ATP12A: variants seen among roughly 807,000 people sequenced by gnomAD.
ATP12A encodes the protein ATPase H+/K+ transporting non-gastric alpha2 subunit.
Under a neutral mutation model 111.2 loss-of-function variants are expected in ATP12A, and 81 were observed. That is an observed-to-expected ratio of 0.73 (90% CI 0.61 to 0.88). The LOEUF is 0.88. ATP12A is among the 40% of genes least tolerant of loss of function. ATP12A has a pLI of 0.00. For synonymous variants in ATP12A, 498 were observed against 499.8 expected, an observed-to-expected ratio of 1.00 and a Z score of 0.05; for missense variants, 1,196 against 1,313.1, an observed-to-expected ratio of 0.91 and a Z score of 1.38.
intron 2 of ATP12A, among the ~76,000 whole-genome samples, chr13:24,684,711 C>G (rs1411414113): frequency 6.6e-6 from 1 of 152,256 alleles, no homozygotes; most frequent in Non-Finnish European, 1.5e-5. Context: ...AGAAACCCTG[C>G]TGTAGTCTAA....
At position 24,690,371 on chromosome 13, in the gene ATP12A, ACCAT is replaced by A. The variant is rs760027165; in HGVS notation, c.583_586del (p.Ile195LeufsTer133). 1.9e-6 allele frequency: 3 copies of A among 1,613,022 alleles called. No individual in the cohort carries two copies. In the African/African-American group the frequency reaches 4.0e-5, roughly 22 times the overall value. ...CGTCATCCGAGATTCCGAGAAGAAG[ACCAT>A]CCCTTCAGAGCAGCTGGTGGTGGGG... On this transcript the variant is annotated frameshift_variant, in exon 6 of 23. Coordinates refer to ENST00000381946, the MANE Select transcript of ATP12A (RefSeq NM_001676.7). LOFTEE classifies it high-confidence loss of function.
At chr13:24,686,796 G>T (rs1352971231) in intron 3 of ATP12A, among the ~76,000 whole-genome samples, 2 of 144,900 alleles carry the variant, frequency 1.4e-5, no homozygotes, top group Non-Finnish European at 3.0e-5. Context: ...GAAAGAAATT[G>T]CAGAGAGACA....
In ATP12A at chr13:24,710,867, C is replaced by A; in HGVS notation, c.2973C>A (p.Val991=). 1 of 1,614,234 alleles carries A rather than the reference C, an allele frequency of 6.2e-7. No individual in the cohort carries two copies. ...TCCTCTCCTATGGCCTCGGAAGTGT[C>A]ACAGCCTTGAGTTTCACCATGCTTA... ...GLILSYGLGS[V]TALSFTMLRA... Residue 991 remains valine, a synonymous_variant, in exon 21 of 23, where the codon GTC becomes GTA. Coordinates refer to ENST00000381946, the MANE Select transcript of ATP12A (RefSeq NM_001676.7).
chr13:24,706,720 C>T (rs891728034), intron 15 of ATP12A, among the ~76,000 whole-genome samples: 1 of 152,136 alleles, frequency 6.6e-6, no homozygotes, highest in Non-Finnish European at 1.5e-5. Context: ...GAAGCATTTG[C>T]CACTGTGGTA....
At chr13:24,692,279 G>T (rs1255177063) in intron 8 of ATP12A, 150 bp from the exon 9 acceptor site, 2 of 775,734 alleles carry the variant, frequency 2.6e-6, no homozygotes, top group East Asian at 5.4e-5. Flanking sequence ...CACCAGGTCA[G>T]CTTAGCTGCG....
At position 24,710,470 on chromosome 13, in the gene ATP12A, A is replaced by C. The variant is rs1440328346; in HGVS notation, c.2774A>C (p.Gln925Pro). 9 of 1,614,042 alleles carry C rather than the reference A, an allele frequency of 5.6e-6. No homozygotes were observed. The highest frequency in any genetic ancestry group is 7.6e-6 in the Non-Finnish European group (9 of 1,180,036). The change falls in exon 20 of 23, where the codon CAG (glutamine) becomes CCG (proline). Residue 925 changes from glutamine (Q) to proline (P), a missense_variant. Physicochemically the swap from Gln to Pro is moderately conservative, Grantham distance 76. Coordinates refer to ENST00000381946, the MANE Select transcript of ATP12A (RefSeq NM_001676.7). ...DSYGQEWTRY[Q>P]REYLEWTGYT... ...TCTGCCCATTAACAGACAAGGTACC[A>C]GAGGGAATACCTAGAATGGACGGGC...
rs772106654 is a variant in ATP12A, at chr13:24,700,801, A to G, written c.1760A>G (p.Asp587Gly). Residue 587 changes from aspartate (D) to glycine (G), a missense_variant, in exon 13 of 23, where the codon GAC becomes GGC. Asp to Gly is a moderately conservative substitution (Grantham distance 94). Transcript: ENST00000381946. The part of the protein sequence containing the change: ...ADEFPETYSF[D>G]IDAMNFPTSN... ...GAGTTTCCAGAAACCTACTCATTTG[A>G]CATAGACGCTATGAACTTTCCGACC... 1.9e-6 allele frequency: 3 copies of G among 1,614,082 alleles called. No homozygotes were observed. The East Asian group carries it at 6.7e-5, about 36-fold the overall frequency.
intron 8 of ATP12A, 47 bp from the exon 9 acceptor site, chr13:24,692,382 A>G: frequency 6.3e-7 from 1 of 1,578,398 alleles, no homozygotes; most frequent in Non-Finnish European, 8.7e-7. Flanking sequence ...ATTGGACCTG[A>G]GTTCAAATGA....
At chr13:24,710,360 G>A (rs770895442) in intron 19 of ATP12A, 100 bp from the exon 20 acceptor site, 257 of 1,430,856 alleles carry the variant, frequency 1.8e-4, no homozygotes, top group Non-Finnish European at 2.4e-4. Flanking sequence ...CAGTCCGGGT[G>A]AGGTGTGGAA....
At chr13:24,701,449 C>G (rs1019258068) in intron 13 of ATP12A, among the ~76,000 whole-genome samples, 1 of 140,000 alleles carries the variant, frequency 7.1e-6, no homozygotes, top group Admixed American at 7.8e-5. Context: ...TGCAGTGAGC[C>G]GAGATCACAC....
chr13:24,691,017 C>T lies in ATP12A; in HGVS notation c.835C>T (p.Arg279Cys), dbSNP rs200347989. ...CGGCATGGTTATCAACACGGGTGAC[C>T]GCACCATCATTGGCCATATTGCCTC... ...VTGMVINTGDRTIIGHIASLA... is the reference protein window; with the variant it reads ...VTGMVINTGDCTIIGHIASLA... Residue 279 changes from arginine (R) to cysteine (C), a missense_variant, in exon 8 of 23, where the codon CGC becomes TGC. Coordinates refer to ENST00000381946, the MANE Select transcript of ATP12A (RefSeq NM_001676.7). The T allele has an allele frequency of 2.2e-5, 36 of 1,614,150 alleles. No homozygotes were observed. The African/African-American group carries it at 2.7e-4, about 12-fold the overall frequency.
At chr13:24,680,866 C>T in intron 1 of ATP12A, 114 bp downstream of exon 1, 3 of 1,376,636 alleles carry the variant, frequency 2.2e-6, no homozygotes, top group Non-Finnish European at 2.8e-6. Flanking sequence ...CGCCCCGTCC[C>T]GGGGCAAGGG....
chr13:24,681,491 G>A, intron 1 of ATP12A, 71 bp from the exon 2 acceptor site: 2 of 1,549,810 alleles, frequency 1.3e-6, no homozygotes. Flanking sequence ...TCCTGACCCC[G>A]CAGAGGGGCG....
Position 24,690,628 on chromosome 13 carries a change from G to A in ATP12A, c.706G>A (p.Glu236Lys). Reference sequence around the variant, plus strand: ...GGTGGATAACTCATCTCTCACGGGGGAGTCTGAGCCCCAGCCCCGCTCCTC... The same window carrying A: ...GGTGGATAACTCATCTCTCACGGGGAAGTCTGAGCCCCAGCCCCGCTCCTC... ...CRVDNSSLTGESEPQPRSSEF... is the reference protein window; with the variant it reads ...CRVDNSSLTGKSEPQPRSSEF... Residue 236 changes from glutamate (E) to lysine (K), a missense_variant, in exon 7 of 23, where the codon GAG becomes AAG. Coordinates refer to ENST00000381946, the MANE Select transcript of ATP12A (RefSeq NM_001676.7). 1.2e-6 allele frequency: 2 copies of A among 1,612,768 alleles called. No homozygotes were observed. Among genetic ancestry groups the A allele is most frequent in the South Asian group, 1.1e-5 (1 of 90,884 alleles).
chr13:24,698,928 A>G, intron 12 of ATP12A, 78 bp downstream of exon 12: 1 of 1,517,324 alleles, frequency 6.6e-7, no homozygotes, highest in Non-Finnish European at 8.9e-7. Flanking sequence ...CCTGTGACCT[A>G]GCCCAGTGGC....
Position 24,689,393 on chromosome 13 carries a change from ATCC to A in ATP12A, c.546+21_546+23del, listed in dbSNP as rs1201120529. On this transcript the variant is annotated intron_variant, in intron 5 of 22. Transcript: ENST00000381946. ...TCCCTCAGGTGAGTGGCAGCCACCT[ATCC>A]TCTGGCCTCTGGTGACTCCCAGGTG... is the stretch of plus-strand genomic sequence containing the variant. 1 of 1,596,652 alleles carries A rather than the reference ATCC, an allele frequency of 6.3e-7. No individual in the cohort carries two copies. The highest frequency in any genetic ancestry group is 1.1e-5 in the South Asian group (1 of 90,680).
chr13:24,693,995 C>T, intron 10 of ATP12A, among the ~76,000 whole-genome samples: 1 of 152,280 alleles, frequency 6.6e-6, no homozygotes, highest in African/African-American at 2.4e-5. Context: ...TCTCTCCGTA[C>T]TTCCCTGTTT....
At chr13:24,689,972 G>T in intron 5 of ATP12A, among the ~76,000 whole-genome samples, 1 of 151,970 alleles carries the variant, frequency 6.6e-6, no homozygotes, top group East Asian at 1.9e-4. Context: ...GCCCAGCCAG[G>T]ATTGCTCACC....
intron 11 of ATP12A, among the ~76,000 whole-genome samples, 167 bp downstream of exon 11, chr13:24,694,745 G>T (rs1875063672): frequency 6.6e-6 from 1 of 152,098 alleles, no homozygotes; most frequent in South Asian, 2.1e-4. Flanking sequence ...TCCCTTGCTG[G>T]CCTCCTTCCT....
Sources: allele counts gnomAD v4.1 joint callset (sites outside exome capture counted in the v4.1 genomes callset), GRCh38; gene constraint gnomAD v4.1.1; transcripts MANE v1.5; gene names NCBI Gene and HGNC (gene_info 2026-07-23, HGNC 2026-07-21).